The following UROC1 variants were observed in gnomAD, a reference collection of about 807,000 sequenced individuals.
UROC1 encodes the protein urocanate hydratase.
UROC1 carries 79 observed loss-of-function variants against 89.5 expected under a neutral mutation model. The ratio of observed to expected loss-of-function variants is 0.88; its 90% CI spans 0.74 to 1.06. The LOEUF is 1.06. Among genes scored for constraint, UROC1 ranks in the 50% least tolerant of loss-of-function variants. The pLI is 0.00. For synonymous variants in UROC1, 361 were observed against 354.8 expected (o/e 1.02, Z -0.20); for missense variants, 885 against 907.8 (o/e 0.97, Z 0.32).
At chr3:126,501,665 TAGGAC>T in intron 9 of UROC1, 2 of 1,158,448 alleles carry the variant, frequency 1.7e-6, no homozygotes, top group Non-Finnish European at 1.2e-6. Flanking sequence ...TTCGGAAAAA[TAGGAC>T]AGGAAAAATC....
At chr3:126,505,041 C>T (rs181172794) in intron 8 of UROC1, among the ~76,000 whole-genome samples, 1 of 152,128 alleles carries the variant, frequency 6.6e-6, no homozygotes, top group Non-Finnish European at 1.5e-5. Flanking sequence ...GGTCCAGCAC[C>T]TCCCTCTCCT....
At chr3:126,504,823 C>T (rs1296613237) in intron 8 of UROC1, among the ~76,000 whole-genome samples, 1 of 152,136 alleles carries the variant, frequency 6.6e-6, no homozygotes, top group Non-Finnish European at 1.5e-5. Context: ...TTAGCACCCA[C>T]CAAAGAAAGA....
chr3:126,501,877 A>G, intron 9 of UROC1: 1 of 1,599,438 alleles, frequency 6.3e-7, no homozygotes, highest in South Asian at 1.1e-5. Flanking sequence ...AAAGCAGGAA[A>G]GGACACACAG....
chr3:126,495,138 GC>G (rs142609119), intron 15 of UROC1, among the ~76,000 whole-genome samples: 2,703 of 152,274 alleles, frequency 0.018, 78 homozygotes, highest in African/African-American at 0.062. Flanking sequence ...AGAACGACCT[GC>G]CCAACTCTAG....
intron 9 of UROC1, among the ~76,000 whole-genome samples, chr3:126,502,393 T>TATGTAAAC (rs762095616): frequency 2.8e-4 from 43 of 151,940 alleles, no homozygotes; most frequent in Non-Finnish European, 5.2e-4. Context: ...TACATGTGTT[T>TATGTAAAC]ATGTGTTGTG....
Position 126,508,112 on chromosome 3 carries a change from G to A in UROC1, c.412-17C>T. On this transcript the variant is annotated splice_polypyrimidine_tract_variant and intron_variant, in intron 4 of 19. Transcript: ENST00000290868. ...CAGCCAGAACTGGGGGAAGAGCAGAGCGTGGGGATTCTGTCAACAGAAGCA... is the reference window on the plus strand; with the variant it reads ...CAGCCAGAACTGGGGGAAGAGCAGAACGTGGGGATTCTGTCAACAGAAGCA... 9 of 1,613,530 alleles carry A rather than the reference G, an allele frequency of 5.6e-6. No individual in the cohort carries two copies. The highest frequency in any genetic ancestry group is 1.3e-5 in the African/African-American group (1 of 75,030).
chr3:126,488,106 C>T, intron 18 of UROC1, 92 bp downstream of exon 18: 3 of 1,395,888 alleles, frequency 2.1e-6, no homozygotes, highest in Non-Finnish European at 3.1e-6. Context: ...AGGTAGGGCC[C>T]AGGACTTCAG....
chr3:126,482,198 G>C lies in UROC1; in HGVS notation c.*147C>G. The C allele has an allele frequency of 8.5e-7, 1 of 1,177,396 alleles. No individual in the cohort carries two copies. Among genetic ancestry groups the C allele is most frequent in the Middle Eastern group, 3.0e-4 (1 of 3,386 alleles). 72.9% of individuals were successfully genotyped at this position (1,177,396 alleles called of 1,614,324 possible). ...CTGTCTGTAAAATGAGGCTGTGGTG[G>C]CACCCTGCACAGGGCACCATAAGGG... is the stretch of plus-strand genomic sequence containing the variant. On this transcript the variant is annotated 3_prime_UTR_variant, in exon 20 of 20. Transcript: ENST00000290868.
At chr3:126,505,298 T>G (rs999033566) in intron 8 of UROC1, among the ~76,000 whole-genome samples, 5 of 152,128 alleles carry the variant, frequency 3.3e-5, no homozygotes, top group Non-Finnish European at 7.4e-5. Flanking sequence ...CTATGGAGGG[T>G]GACCTCTCTG....
Position 126,499,350 on chromosome 3 carries a change from G to GC in UROC1, c.1302dup (p.Gln435AlafsTer44). The GC allele has an allele frequency of 1.2e-6, 2 of 1,611,800 alleles. No individual in the cohort carries two copies. Among genetic ancestry groups the GC allele is most frequent in the Non-Finnish European group, 1.7e-6 (2 of 1,179,622 alleles). On this transcript the variant is annotated frameshift_variant, in exon 13 of 20. Transcript: ENST00000290868. LOFTEE classifies it high-confidence loss of function. The stretch of plus-strand genomic sequence containing the variant: ...CCCATCACTCACCCCATGATGTGCT[G>GC]CACATAGGAAGGGTAGCGGAACTCT...
intron 15 of UROC1, among the ~76,000 whole-genome samples, chr3:126,495,545 G>A (rs769479364): frequency 3.3e-5 from 5 of 152,070 alleles, no homozygotes; most frequent in Admixed American, 6.6e-5. Context: ...TTATCCATTC[G>A]TCCATCAGGG....
chr3:126,505,651 G>T lies in UROC1; in HGVS notation c.813+50C>A, dbSNP rs1016558650. The T allele has an allele frequency of 2.5e-6, 4 of 1,601,638 alleles. No individual in the cohort carries two copies. The East Asian group carries it at 6.7e-5, about 27-fold the overall frequency. On this transcript the variant is annotated intron_variant, in intron 8 of 19. Coordinates refer to ENST00000290868, the MANE Select transcript of UROC1 (RefSeq NM_144639.3). ...CCGGGAGGAAGAAGGGAGGGAGGGAGGGAGGGAGGGAGGCAGGCAGGAGCG... is the reference window on the plus strand; with the variant it reads ...CCGGGAGGAAGAAGGGAGGGAGGGATGGAGGGAGGGAGGCAGGCAGGAGCG...
At chr3:126,500,619 C>A in intron 11 of UROC1, 76 bp downstream of exon 11, 1 of 1,587,012 alleles carries the variant, frequency 6.3e-7, no homozygotes, top group South Asian at 1.1e-5. Flanking sequence ...TGCTGGAGAA[C>A]TAGGTGGTGG....
In UROC1 at chr3:126,482,264, G is replaced by T; in HGVS notation, c.*81C>A. 6.3e-7 allele frequency: 1 copy of T among 1,585,470 alleles called. No individual in the cohort carries two copies. The highest frequency in any genetic ancestry group is 8.6e-7 in the Non-Finnish European group (1 of 1,161,322). ...CGAGAAGTGCAGGTAGTGCGGGTGT[G>T]CAGGAAGGGTGTGTGCCATGGCTGG... On this transcript the variant is annotated 3_prime_UTR_variant, in exon 20 of 20. Transcript: ENST00000290868.
chr3:126,488,004 A>C (rs988267704), intron 18 of UROC1, among the ~76,000 whole-genome samples, 194 bp downstream of exon 18: 5 of 152,178 alleles, frequency 3.3e-5, no homozygotes, highest in African/African-American at 1.2e-4. Flanking sequence ...GGGGTGGCTA[A>C]TGCAAGTCCT....
rs1332909769 is a variant in UROC1 at position 126,482,594 on chromosome 3, C to A, written c.1891-109G>T. 11 of 1,535,660 alleles carry A rather than the reference C, an allele frequency of 7.2e-6. No homozygotes were observed. The South Asian group carries it at 1.1e-4, about 16-fold the overall frequency. ...CTGCTTCGGGACCTCTGAGGCTGTC[C>A]GTGGGGACAGCTGCCCTTTTGTGTC... On this transcript the variant is annotated intron_variant, in intron 19 of 19. Coordinates refer to ENST00000290868, the MANE Select transcript of UROC1 (RefSeq NM_144639.3).
chr3:126,489,192 A>G, intron 17 of UROC1, 84 bp downstream of exon 17: 3 of 1,352,718 alleles, frequency 2.2e-6, no homozygotes, highest in Non-Finnish European at 3.2e-6. Context: ...ACATCTTTCG[A>G]AACATTGTGA....
intron 5 of UROC1, 46 bp from the exon 6 acceptor site, chr3:126,507,849 G>C: frequency 6.2e-7 from 1 of 1,613,250 alleles, no homozygotes; most frequent in Non-Finnish European, 8.5e-7. Context: ...GGGCTTGGAG[G>C]GCGAGCACAG....
At chr3:126,501,091 CA>C in intron 10 of UROC1, 126 bp downstream of exon 10, 1 of 1,227,602 alleles carries the variant, frequency 8.1e-7, no homozygotes, top group East Asian at 2.3e-5. Flanking sequence ...TGTGGGCCAA[CA>C]AGGGTGGCGC....
Sources: gnomAD v4.1 joint callset for allele counts (sites outside exome capture counted in the v4.1 genomes callset) on GRCh38, gnomAD v4.1.1 for gene constraint, MANE v1.5 for transcripts, NCBI Gene and HGNC (gene_info 2026-07-23, HGNC 2026-07-21) for gene names.